Variants in RANBP17 observed in about 807,000 individuals in gnomAD.
The protein encoded by RANBP17 is RAN binding protein 17.
RANBP17 carries 158 observed loss-of-function variants against 141.2 expected under a neutral mutation model. The observed-to-expected ratio is 1.12, with a 90% CI of 0.98 to 1.28. RANBP17 has a LOEUF of 1.28. Ranked by LOEUF, RANBP17 falls within the 50% of genes most tolerant of loss-of-function variation. The pLI is 0.00. For missense variants in RANBP17, 1,438 were observed against 1,290.7 expected (o/e 1.11, Z -1.75); for synonymous variants, 430 against 450.0 (o/e 0.96, Z 0.56).
chr5:171,258,703 C>T (rs1294934074), intron 24 of RANBP17, among the ~76,000 whole-genome samples: 1 of 151,918 alleles, frequency 6.6e-6, no homozygotes, highest in Non-Finnish European at 1.5e-5. Context: ...AAACTGGACC[C>T]CTATCTCACC....
At chr5:171,042,784 G>A (rs1306667187) in intron 14 of RANBP17, among the ~76,000 whole-genome samples, 1 of 151,996 alleles carries the variant, frequency 6.6e-6, no homozygotes, top group Non-Finnish European at 1.5e-5. Flanking sequence ...CTCTAGGGGG[G>A]GTCATCATCT....
intron 20 of RANBP17, among the ~76,000 whole-genome samples, chr5:171,208,115 T>C (rs1273871569): frequency 1.3e-5 from 2 of 152,392 alleles, no homozygotes; most frequent in Non-Finnish European, 2.9e-5. Context: ...TAATTTGTTA[T>C]ACAATCCTTA....
intron 14 of RANBP17, among the ~76,000 whole-genome samples, chr5:171,101,677 T>C (rs751455602): frequency 1.3e-5 from 2 of 152,226 alleles, no homozygotes; most frequent in South Asian, 4.1e-4. Flanking sequence ...GTTGATGCAG[T>C]TTCTTCAATG....
chr5:171,269,440 G>C (rs540621892), intron 25 of RANBP17, among the ~76,000 whole-genome samples: 35 of 152,310 alleles, frequency 2.3e-4, no homozygotes, highest in African/African-American at 7.7e-4. Flanking sequence ...CGGCAGGCAG[G>C]AGTAGTGGGA....
chr5:171,104,094 A>G (rs1021174778), intron 14 of RANBP17, among the ~76,000 whole-genome samples: 4 of 152,170 alleles, frequency 2.6e-5, no homozygotes, highest in African/African-American at 7.2e-5. Flanking sequence ...CTGAAGTGCA[A>G]TGGCACAATC....
At chr5:171,165,325 G>A (rs543530769) in intron 14 of RANBP17, among the ~76,000 whole-genome samples, 1 of 151,728 alleles carries the variant, frequency 6.6e-6, no homozygotes, top group South Asian at 2.1e-4. Flanking sequence ...GGGATTACAG[G>A]TACACGCCAC....
intron 12 of RANBP17, among the ~76,000 whole-genome samples, chr5:170,948,598 T>C (rs1004925525): frequency 2.0e-5 from 3 of 152,172 alleles, no homozygotes; most frequent in Non-Finnish European, 2.9e-5. Context: ...TCGTCGTGGA[T>C]CAGAAGACTT....
At position 170,968,340 on chromosome 5, in the gene RANBP17, A is replaced by C. The variant is rs1776739498; in HGVS notation, c.1673A>C (p.Lys558Thr). The C allele has an allele frequency of 8.7e-6, 14 of 1,608,470 alleles. No individual in the cohort carries two copies. Among genetic ancestry groups the C allele is most frequent in the Non-Finnish European group, 1.1e-5 (13 of 1,177,836 alleles). The change falls in exon 14 of 28, where the codon AAA (lysine) becomes ACA (threonine). Residue 558 changes from lysine (K) to threonine (T), a missense_variant. Coordinates refer to ENST00000523189, the MANE Select transcript of RANBP17 (RefSeq NM_022897.5). ...CTGTGGTTCTTGGATCAGTTTCGTA[A>C]AACATATGTTGGTGATCAACTTCAA... ...AILWFLDQFR[K>T]TYVGDQLQRT...
chr5:171,231,051 C>T (rs974034535), intron 22 of RANBP17, among the ~76,000 whole-genome samples: 2 of 150,904 alleles, frequency 1.3e-5, no homozygotes, highest in Non-Finnish European at 2.9e-5. Context: ...ATCCTCCTGC[C>T]TCAACTTCCT....
At chr5:170,910,514 C>T (rs1771442688) in intron 6 of RANBP17, 1 of 156,724 alleles carries the variant, frequency 6.4e-6, no homozygotes, top group Admixed American at 6.3e-5. Flanking sequence ...GTTAACCTGT[C>T]AGCCAGTTAA....
chr5:171,288,159 A>T (rs1768282406), intron 25 of RANBP17, among the ~76,000 whole-genome samples: 1 of 152,154 alleles, frequency 6.6e-6, no homozygotes, highest in African/African-American at 2.4e-5. Context: ...GCCATTGTTC[A>T]TCATGAGAGT....
At chr5:171,187,195 A>G (rs1761314275) in intron 18 of RANBP17, among the ~76,000 whole-genome samples, 1 of 152,350 alleles carries the variant, frequency 6.6e-6, no homozygotes, top group East Asian at 1.9e-4. Flanking sequence ...AGCAGTCAGC[A>G]TACATAATAT....
intron 25 of RANBP17, among the ~76,000 whole-genome samples, chr5:171,268,150 A>C (rs886610488): frequency 5.9e-5 from 9 of 152,218 alleles, no homozygotes; most frequent in African/African-American, 2.2e-4. Flanking sequence ...AAGATTCACG[A>C]GATATAATTT....
At chr5:170,911,248 G>T in intron 7 of RANBP17, 114 bp downstream of exon 7, 1 of 905,474 alleles carries the variant, frequency 1.1e-6, no homozygotes, top group Non-Finnish European at 1.7e-6. Flanking sequence ...TAGCTCAAAT[G>T]GATTTGTAAC....
chr5:171,042,105 G>A (rs759818245), intron 14 of RANBP17, among the ~76,000 whole-genome samples: 1 of 151,978 alleles, frequency 6.6e-6, no homozygotes, highest in Non-Finnish European at 1.5e-5. Context: ...AGTATTCTAT[G>A]ATATATATGT....
At chr5:171,083,227 A>G (rs535456636) in intron 14 of RANBP17, among the ~76,000 whole-genome samples, 2 of 152,166 alleles carry the variant, frequency 1.3e-5, no homozygotes, top group Non-Finnish European at 2.9e-5. Context: ...ATATGATGGT[A>G]TTTGGAGGTG....
At chr5:170,930,312 ATTACT>A (rs1392920143) in intron 12 of RANBP17, among the ~76,000 whole-genome samples, 2 of 151,862 alleles carry the variant, frequency 1.3e-5, no homozygotes, top group African/African-American at 2.4e-5. Context: ...TTCTTTAAAC[ATTACT>A]TTAGTTGTTT....
chr5:171,033,263 GT>G (rs1581448860), intron 14 of RANBP17, among the ~76,000 whole-genome samples: 1 of 152,254 alleles, frequency 6.6e-6, no homozygotes, highest in East Asian at 1.9e-4. Context: ...GGATAGGCCA[GT>G]GGTCTTCACG....
At chr5:171,220,471 CAG>C (rs1443646335) in intron 21 of RANBP17, among the ~76,000 whole-genome samples, 2 of 109,792 alleles carry the variant, frequency 1.8e-5, no homozygotes, top group East Asian at 5.7e-4. Flanking sequence ...TTTTTTGAGA[CAG>C]AGTCTCACCT....
Sources: allele counts gnomAD v4.1 joint callset (sites outside exome capture counted in the v4.1 genomes callset), GRCh38; gene constraint gnomAD v4.1.1; transcripts MANE v1.5; gene names NCBI Gene and HGNC (gene_info 2026-07-23, HGNC 2026-07-21).